ASPSCR1: variants seen among roughly 807,000 people sequenced by gnomAD.
ASPSCR1 encodes ASPSCR1 tether for SLC2A4, UBX domain containing.
A neutral mutation model predicts 68.9 loss-of-function variants in ASPSCR1; 55 were observed. The observed-to-expected ratio is 0.80, with a 90% CI of 0.64 to 1.00. The LOEUF (loss-of-function observed/expected upper bound fraction) is 1.00. Ranked by LOEUF, ASPSCR1 falls within the 50% of genes least tolerant of loss-of-function variation. ASPSCR1 has a pLI of 0.00. For missense variants in ASPSCR1, 765 were observed against 762.2 expected, an observed-to-expected ratio of 1.00 and a Z score of -0.04; for synonymous variants, 352 against 332.6, an observed-to-expected ratio of 1.06 and a Z score of -0.63.
chr17:82,010,332 A>T (rs568454118), intron 9 of ASPSCR1, among the ~76,000 whole-genome samples: 1 of 151,266 alleles, frequency 6.6e-6, no homozygotes, highest in Non-Finnish European at 1.5e-5. Flanking sequence ...GATCGAGACC[A>T]TCCTGGCTGA....
intron 7 of ASPSCR1, among the ~76,000 whole-genome samples, chr17:82,003,757 AGCCCGC>A (rs1057420113): frequency 1.3e-5 from 2 of 152,220 alleles, no homozygotes; most frequent in African/African-American, 4.8e-5. Flanking sequence ...CTCCCCACAG[AGCCCGC>A]GCCCACGCCC....
rs374992477 is a variant in ASPSCR1, at chr17:82,011,621, T to C, written c.1300+16T>C. ...TTTTACCTGTGTACGTTTTTTCTCC[T>C]GAGCCCACTCCTGCCTCCAGTGCTC... On this transcript the variant is annotated intron_variant, in intron 11 of 15. Transcript: ENST00000306739. The C allele has an allele frequency of 6.2e-7, 1 of 1,604,146 alleles. No individual in the cohort carries two copies. The highest frequency in any genetic ancestry group is 1.1e-5 in the South Asian group (1 of 89,910).
At position 81,996,845 on chromosome 17, in the gene ASPSCR1, G is replaced by A. The variant is rs564920024; in HGVS notation, c.932G>A (p.Arg311Gln). Residue 311 changes from arginine (R) to glutamine (Q), a missense_variant and splice_region_variant, in exon 7 of 16, where the codon CGG (arginine) becomes CAG (glutamine). By Grantham distance (43) the Arg-to-Gln change is conservative. Coordinates refer to ENST00000306739, the MANE Select transcript of ASPSCR1 (RefSeq NM_024083.4). ...CCCCAGCAGGAGCAGGAGCGGGAGC[G>A]GGTAAAAGGGGCTCTAGGCCTTGGG... is the stretch of plus-strand genomic sequence containing the variant. Reference protein sequence around the residue: ...RDPQQEQERERPVDREPVDRE... With the variant: ...RDPQQEQEREQPVDREPVDRE... The A allele has an allele frequency of 2.5e-5, 39 of 1,589,800 alleles. No individual in the cohort carries two copies. The highest frequency in any genetic ancestry group is 1.2e-4 in the South Asian group (11 of 88,278).
chr17:82,011,672 GCCCGTCC>G (rs1555639135), intron 11 of ASPSCR1, 67 bp downstream of exon 11: 1 of 1,533,024 alleles, frequency 6.5e-7, no homozygotes, highest in Non-Finnish European at 8.9e-7. Context: ...TGGGCACACC[GCCCGTCC>G]CAGCTGGGGC....
Position 81,983,869 on chromosome 17 carries a change from T to C in ASPSCR1, c.273+201T>C, listed in dbSNP as rs1388404074. 5.9e-5 allele frequency among the ~76,000 whole-genome samples: 9 copies of C among 151,892 alleles called. No individual in the cohort carries two copies. Among genetic ancestry groups the C allele is most frequent in the Non-Finnish European group, 1.0e-4 (7 of 67,928 alleles). ...TGAAAATGAGCATCTCATGTTTTTT[T>C]TTTTTTGAGCTGGAGTCTCGCTCTG... On this transcript the variant is annotated intron_variant, in intron 3 of 15. Transcript: ENST00000306739. The surrounding 1 kb of genome is among the most constrained non-coding windows in gnomAD (Gnocchi z 4.4).
chr17:82,016,414 C>T (rs151067786), intron 12 of ASPSCR1, 62 bp from the exon 13 acceptor site: 23,169 of 1,457,776 alleles, frequency 0.016, 227 homozygotes, highest in Middle Eastern at 0.029. Flanking sequence ...GGTGTAGCTG[C>T]CTTCACAGCA....
At chr17:81,980,265 GTCA>G (rs2041754784) in intron 2 of ASPSCR1, among the ~76,000 whole-genome samples, 1 of 152,250 alleles carries the variant, frequency 6.6e-6, no homozygotes, top group Non-Finnish European at 1.5e-5. Flanking sequence ...ACAGAGATGA[GTCA>G]CCATGCCTGC....
intron 4 of ASPSCR1, among the ~76,000 whole-genome samples, 156 bp downstream of exon 4, chr17:81,985,763 G>C (rs1329616979): frequency 6.6e-6 from 1 of 152,210 alleles, no homozygotes; most frequent in African/African-American, 2.4e-5. Flanking sequence ...GGGTGTGTGG[G>C]CTGCCGGTTC....
chr17:81,985,065 C>T (rs940764900), intron 3 of ASPSCR1, among the ~76,000 whole-genome samples: 41 of 146,106 alleles, frequency 2.8e-4, no homozygotes, highest in Non-Finnish European at 5.0e-4. Context: ...CACCCACGCA[C>T]ACACCTGTAC....
Position 81,985,562 on chromosome 17 carries a change from C to T in ASPSCR1, c.329C>T (p.Ser110Leu). 1 of 1,614,072 alleles carries T rather than the reference C, an allele frequency of 6.2e-7. No individual in the cohort carries two copies. The highest frequency in any genetic ancestry group is 8.5e-7 in the Non-Finnish European group (1 of 1,180,036). ...TCGAGGTTGCAGGACTCTTTCTGTT[C>T]AGGCCAGACCCTCTGGGAGCTTCTC... ...DGSRLQDSFC[S>L]GQTLWELLSH... The change falls in exon 4 of 16, where the codon TCA becomes TTA. Residue 110 changes from serine (S) to leucine (L), a missense_variant. Coordinates refer to ENST00000306739, the MANE Select transcript of ASPSCR1 (RefSeq NM_024083.4).
At chr17:81,985,048 CCACACACACCCA>C (rs1250058139) in intron 3 of ASPSCR1, among the ~76,000 whole-genome samples, 5 of 134,896 alleles carry the variant, frequency 3.7e-5, no homozygotes, top group Non-Finnish European at 7.8e-5. Context: ...CACCTCCCCC[CCACACACACCCA>C]CGCACACACC....
chr17:82,000,768 C>T (rs2042502939), intron 7 of ASPSCR1, among the ~76,000 whole-genome samples: 1 of 152,316 alleles, frequency 6.6e-6, no homozygotes, highest in African/African-American at 2.4e-5. Context: ...GGTAGTTTTA[C>T]TGGCGATCAG....
At chr17:82,007,446 C>T (rs2042756973) in intron 7 of ASPSCR1, 1 of 152,298 alleles carries the variant, frequency 6.6e-6, no homozygotes, top group Non-Finnish European at 1.5e-5. Flanking sequence ...CTGGAGGCAC[C>T]CTGGTGTGGG....
At chr17:81,995,396 C>A (rs59613601) in intron 5 of ASPSCR1, 22,090 of 222,386 alleles carry the variant, frequency 0.099, 1,838 homozygotes, top group African/African-American at 0.25. Context: ...AGGTCTACGT[C>A]CTCCCTTGAG....
Position 81,983,191 on chromosome 17 carries a change from G to C in ASPSCR1, c.159-363G>C, listed in dbSNP as rs1248580733. 2.0e-5 allele frequency among the ~76,000 whole-genome samples: 3 copies of C among 152,210 alleles called. No homozygotes were observed. Among genetic ancestry groups the C allele is most frequent in the Non-Finnish European group, 4.4e-5 (3 of 68,042 alleles). On this transcript the variant is annotated intron_variant, in intron 2 of 15. Transcript: ENST00000306739. The surrounding 1 kb of genome is among the most constrained non-coding windows in gnomAD (Gnocchi z 4.4). Reference sequence around the variant, plus strand: ...TCCAGCCGTGACGGCCGGGGTCTGTGACACTCCAGCTTCCGCGAGTGCAGC... The same window carrying C: ...TCCAGCCGTGACGGCCGGGGTCTGTCACACTCCAGCTTCCGCGAGTGCAGC...
At chr17:81,998,493 G>A (rs2042428815) in intron 7 of ASPSCR1, among the ~76,000 whole-genome samples, 1 of 152,052 alleles carries the variant, frequency 6.6e-6, no homozygotes, top group South Asian at 2.1e-4. Flanking sequence ...TGTCTTGATC[G>A]TAACAGGAAT....
chr17:81,992,319 G>A (rs983266265), intron 4 of ASPSCR1, among the ~76,000 whole-genome samples: 1 of 152,148 alleles, frequency 6.6e-6, no homozygotes, highest in Admixed American at 6.5e-5. Context: ...CTGGGCCGGC[G>A]TAGAAGGTCT....
At chr17:81,978,565 G>C (rs1476916415) in intron 1 of ASPSCR1, 1 of 152,350 alleles carries the variant, frequency 6.6e-6, no homozygotes, top group Non-Finnish European at 1.5e-5. Context: ...CCTCTGCTGC[G>C]TGGGGGACCG....
Position 82,015,652 on chromosome 17 carries a change from C to A in ASPSCR1, c.1354-824C>A, listed in dbSNP as rs6502046. On this transcript the variant is annotated intron_variant, in intron 12 of 15. Coordinates refer to ENST00000306739, the MANE Select transcript of ASPSCR1 (RefSeq NM_024083.4). ...GCCCACAGCAGCCTCTGGGCAGTGT[C>A]CCCTGGGCTTCTGTGAGCAGCCGCA... The A allele has an allele frequency of 2.5e-4, 116 of 457,404 alleles. 1 individual carries two copies. The highest frequency in any genetic ancestry group is 4.2e-4 in the Non-Finnish European group (105 of 251,790). 28.3% of individuals were successfully genotyped at this position (457,404 alleles called of 1,614,324 possible). A position where few individuals can be genotyped will look rare whatever the true frequency, so the allele number is the denominator to read the frequency against.
Sources: allele counts gnomAD v4.1 joint callset (sites outside exome capture counted in the v4.1 genomes callset), GRCh38; gene constraint gnomAD v4.1.1; non-coding constraint Gnocchi (gnomAD v3.1); transcripts MANE v1.5; gene names NCBI Gene and HGNC (gene_info 2026-07-23, HGNC 2026-07-21).